Variants in ADGRB3 observed in about 807,000 individuals in gnomAD.
ADGRB3 encodes adhesion G protein-coupled receptor B3, also known as brain-specific angiogenesis inhibitor 3.
A neutral mutation model predicts 193.4 loss-of-function variants in ADGRB3; 37 were observed. The ratio of observed to expected loss-of-function variants is 0.19; its 90% CI spans 0.15 to 0.25. The LOEUF is 0.25. Ranked by LOEUF, ADGRB3 falls within the 10% of genes least tolerant of loss-of-function variation. ADGRB3 has a pLI of 1.00. For synonymous variants in ADGRB3, 690 were observed against 644.2 expected, an observed-to-expected ratio of 1.07 and a Z score of -1.08; for missense variants, 1,637 against 1,852.9, an observed-to-expected ratio of 0.88 and a Z score of 2.14.
chr6:69,213,960 GTAGGGGAGAAAGTGACCTCAATAAC>G (rs1440890897), intron 17 of ADGRB3, among the ~76,000 whole-genome samples: 3 of 152,224 alleles, frequency 2.0e-5, no homozygotes, highest in African/African-American at 7.2e-5. Context: ...TAAAAATTGA[GTAGGGGAGAAAGTGACCTCAATAAC>G]TAACCACTAT....
At chr6:68,767,982 G>A (rs1454649386) in intron 3 of ADGRB3, among the ~76,000 whole-genome samples, 1 of 152,086 alleles carries the variant, frequency 6.6e-6, no homozygotes, top group Non-Finnish European at 1.5e-5. Context: ...AAACTTACAA[G>A]GGATGTGAAG....
At chr6:69,036,550 C>T (rs1021585885) in intron 13 of ADGRB3, among the ~76,000 whole-genome samples, 3 of 151,500 alleles carry the variant, frequency 2.0e-5, no homozygotes, top group African/African-American at 4.9e-5. Flanking sequence ...TAAAGTCTAG[C>T]GTGGGAGGCA....
At chr6:69,060,451 G>A (rs144013574) in intron 15 of ADGRB3, among the ~76,000 whole-genome samples, 106 of 151,956 alleles carry the variant, frequency 7.0e-4, no homozygotes, top group African/African-American at 2.4e-3. Context: ...AAACACACAG[G>A]GAGCTTCATA....
chr6:69,228,082 C>G (rs1223387589), intron 17 of ADGRB3, among the ~76,000 whole-genome samples: 1 of 152,048 alleles, frequency 6.6e-6, no homozygotes, highest in African/African-American at 2.4e-5. Context: ...ATGGTGAAAC[C>G]CTGTCTCTAC....
intron 28 of ADGRB3, among the ~76,000 whole-genome samples, chr6:69,357,188 C>A (rs1015381820): frequency 9.2e-5 from 14 of 151,962 alleles, no homozygotes; most frequent in African/African-American, 3.1e-4. Flanking sequence ...TACATGTTCA[C>A]CCAGCATTTA....
chr6:69,203,598 C>G (rs538124411), intron 17 of ADGRB3, among the ~76,000 whole-genome samples: 3 of 152,072 alleles, frequency 2.0e-5, no homozygotes, highest in Non-Finnish European at 2.9e-5. Context: ...GTCTTGAAAA[C>G]GTGACCCTCA....
chr6:69,268,368 T>G (rs577859665), intron 20 of ADGRB3, among the ~76,000 whole-genome samples: 5 of 152,286 alleles, frequency 3.3e-5, no homozygotes, highest in Non-Finnish European at 4.4e-5. Flanking sequence ...AGAACCTGCT[T>G]CTTTTGGGAT....
intron 3 of ADGRB3, among the ~76,000 whole-genome samples, chr6:68,755,788 C>T (rs558190474): frequency 1.3e-5 from 2 of 152,086 alleles, no homozygotes; most frequent in Non-Finnish European, 1.5e-5. Flanking sequence ...CTCAAACACA[C>T]GGGAAATATT....
chr6:68,698,262 G>A (rs1373392673), intron 3 of ADGRB3, among the ~76,000 whole-genome samples: 2 of 151,828 alleles, frequency 1.3e-5, no homozygotes, highest in East Asian at 1.9e-4. Context: ...TTGGTAGTGC[G>A]GAAAACTGGG....
At chr6:68,814,957 C>T (rs978426849) in intron 3 of ADGRB3, among the ~76,000 whole-genome samples, 1 of 152,096 alleles carries the variant, frequency 6.6e-6, no homozygotes, top group African/African-American at 2.4e-5. Context: ...TAAAAACTCT[C>T]AATAAATTCG....
At chr6:68,997,489 A>C (rs907183307) in intron 11 of ADGRB3, among the ~76,000 whole-genome samples, 1 of 72,888 alleles carries the variant, frequency 1.4e-5, no homozygotes, top group South Asian at 3.6e-4. Context: ...CTAAAAATAC[A>C]AAAAAAAAAA....
chr6:68,785,578 C>T (rs1766950139), intron 3 of ADGRB3, among the ~76,000 whole-genome samples: 2 of 151,916 alleles, frequency 1.3e-5, no homozygotes, highest in Admixed American at 6.6e-5. Flanking sequence ...TGAGTTGGTT[C>T]CAAGTCTTTG....
intron 3 of ADGRB3, among the ~76,000 whole-genome samples, chr6:68,788,786 T>G (rs1056918250): frequency 1.1e-4 from 17 of 152,158 alleles, no homozygotes; most frequent in Admixed American, 2.0e-4. Context: ...TGTGTGGGAG[T>G]CTAAGTCTCT....
At chr6:69,368,175 T>C (rs1248906451) in intron 29 of ADGRB3, among the ~76,000 whole-genome samples, 1 of 152,144 alleles carries the variant, frequency 6.6e-6, no homozygotes, top group African/African-American at 2.4e-5. Context: ...ACAATGATTT[T>C]TCCATCGATT....
At chr6:69,078,037 T>C (rs951430667) in intron 17 of ADGRB3, among the ~76,000 whole-genome samples, 4 of 152,018 alleles carry the variant, frequency 2.6e-5, no homozygotes, top group Non-Finnish European at 4.4e-5. Flanking sequence ...ATATACACAA[T>C]AGTTTTATTG....
At chr6:68,832,816 T>C (rs1050698964) in intron 3 of ADGRB3, among the ~76,000 whole-genome samples, 2 of 152,206 alleles carry the variant, frequency 1.3e-5, no homozygotes, top group African/African-American at 4.8e-5. Flanking sequence ...AATTCATTTA[T>C]ATCTCTGGAA....
chr6:68,717,949 A>G (rs1377174312), intron 3 of ADGRB3, among the ~76,000 whole-genome samples: 1 of 151,742 alleles, frequency 6.6e-6, no homozygotes, highest in Non-Finnish European at 1.5e-5. Context: ...GATATAATGA[A>G]CACAATCTAT....
intron 11 of ADGRB3, among the ~76,000 whole-genome samples, chr6:68,996,052 C>T (rs2150276263): frequency 6.6e-6 from 1 of 152,222 alleles, no homozygotes; most frequent in Non-Finnish European, 1.5e-5. Context: ...TCCAAGGGCT[C>T]TGGGCATTTC....
intron 8 of ADGRB3, among the ~76,000 whole-genome samples, chr6:68,965,142 A>T (rs1768342538): frequency 6.6e-6 from 1 of 152,218 alleles, no homozygotes; most frequent in South Asian, 2.1e-4. Flanking sequence ...TTATGTAAAT[A>T]TTGCTGATAT....
Sources: gnomAD v4.1 joint callset for allele counts (sites outside exome capture counted in the v4.1 genomes callset) on GRCh38, gnomAD v4.1.1 for gene constraint, MANE v1.5 for transcripts, NCBI Gene and HGNC (gene_info 2026-07-23, HGNC 2026-07-21) for gene names.